Variants in UBAP2 observed in about 807,000 individuals in gnomAD.
UBAP2 encodes ubiquitin-associated protein 2.
Under a neutral mutation model 139.6 loss-of-function variants are expected in UBAP2, and 75 were observed. That is an observed-to-expected ratio of 0.54 (90% CI 0.45 to 0.65). The LOEUF is 0.65. UBAP2 is among the 30% of genes least tolerant of loss of function. The pLI is 0.00. For synonymous variants in UBAP2, 526 were observed against 526.2 expected (o/e 1.00, Z 0.01); for missense variants, 1,368 against 1,369.6 (o/e 1.00, Z 0.02).
At chr9:33,992,937 G>C (rs531688466) in intron 4 of UBAP2, among the ~76,000 whole-genome samples, 3 of 152,244 alleles carry the variant, frequency 2.0e-5, no homozygotes, top group Non-Finnish European at 1.5e-5. Flanking sequence ...AGTCTTCGAA[G>C]CCAGCTAGTT....
chr9:33,933,433 G>A, intron 18 of UBAP2, 57 bp downstream of exon 18: 3 of 1,586,850 alleles, frequency 1.9e-6, no homozygotes, highest in Middle Eastern at 3.4e-4. Context: ...CCTTCTACAG[G>A]AGCTCCAGGA....
At chr9:33,955,545 A>G (rs537430975) in intron 11 of UBAP2, among the ~76,000 whole-genome samples, 2 of 143,336 alleles carry the variant, frequency 1.4e-5, no homozygotes, top group Admixed American at 1.4e-4. Flanking sequence ...AACAAAAAAA[A>G]GGGCCAGGTG....
At chr9:34,037,429 C>G (rs146051282) in intron 1 of UBAP2, among the ~76,000 whole-genome samples, 20 of 152,284 alleles carry the variant, frequency 1.3e-4, no homozygotes, top group African/African-American at 4.3e-4. Flanking sequence ...GCCACTGCGC[C>G]CAGCCCATAT....
intron 1 of UBAP2, among the ~76,000 whole-genome samples, chr9:34,027,447 T>G (rs1049107097): frequency 6.6e-6 from 1 of 151,874 alleles, no homozygotes; most frequent in Non-Finnish European, 1.5e-5. Context: ...CCTGGCATAG[T>G]GGCTCATGCC....
In UBAP2 at chr9:33,923,919, G is replaced by A. The variant is rs574857807; in HGVS notation, c.2672C>T (p.Ser891Leu). 2.5e-6 allele frequency: 4 copies of A among 1,614,216 alleles called. No homozygotes were observed. In the South Asian group the frequency reaches 4.4e-5, roughly 18 times the overall value. Reference sequence around the variant, plus strand: ...CTGCTGGGCTGTGTGGTGGGTCTGTGATTGGCTCTGCTGTGGCTGAGCTGG... The same window carrying A: ...CTGCTGGGCTGTGTGGTGGGTCTGTAATTGGCTCTGCTGTGGCTGAGCTGG... The part of the protein sequence containing the change: ...TTPAQPQQSQ[S>L]QTHHTAQQPF... The change falls in exon 24 of 29, where the codon TCA becomes TTA. Residue 891 changes from serine to leucine, a missense_variant. Transcript: ENST00000379238.
chr9:33,928,270 A>G, intron 19 of UBAP2: 1 of 372,120 alleles, frequency 2.7e-6, no homozygotes, highest in Non-Finnish European at 4.8e-6. Flanking sequence ...AAAATCCTTC[A>G]AGTTGCTCAT....
chr9:33,980,216 A>ATTTTTTTTTTTTTT (rs1554686508), intron 6 of UBAP2, among the ~76,000 whole-genome samples: 2 of 77,308 alleles, frequency 2.6e-5, no homozygotes, highest in African/African-American at 4.3e-5. Context: ...CCTGAGTGTC[A>ATTTTTTTTTTTTTT]TTTCTTTTTT....
At chr9:34,027,146 T>G (rs1342856284) in intron 1 of UBAP2, among the ~76,000 whole-genome samples, 1 of 112,966 alleles carries the variant, frequency 8.9e-6, no homozygotes, top group Non-Finnish European at 1.8e-5. Context: ...CAGAGGAAAT[T>G]CATTTATTCA....
intron 2 of UBAP2, among the ~76,000 whole-genome samples, chr9:34,006,076 C>T (rs982505052): frequency 5.9e-5 from 9 of 151,416 alleles, no homozygotes; most frequent in African/African-American, 2.2e-4. Context: ...ACTAAAAATA[C>T]AAAAAAATTA....
chr9:33,976,093 G>C (rs1828322397), intron 6 of UBAP2, among the ~76,000 whole-genome samples: 1 of 152,050 alleles, frequency 6.6e-6, no homozygotes, highest in African/African-American at 2.4e-5. Context: ...GAAGGCAAAA[G>C]TAAGACTTCA....
intron 1 of UBAP2, among the ~76,000 whole-genome samples, chr9:34,024,063 A>T (rs1017010807): frequency 2.6e-5 from 4 of 151,634 alleles, no homozygotes; most frequent in Middle Eastern, 3.2e-3. Context: ...TAAAAATAAA[A>T]ATAGCAAATA....
chr9:34,044,608 T>C lies in UBAP2; in HGVS notation c.-42+4217A>G, dbSNP rs145468627. Among the ~76,000 whole-genome samples the C allele has an allele frequency of 1.4e-3, 214 of 152,104 alleles. 3 individuals carry two copies. Among genetic ancestry groups the C allele is most frequent in the Non-Finnish European group, 3.8e-4 (26 of 67,984 alleles). Reference sequence around the variant, plus strand: ...AGCCAGGTGTGGTGGCTCACGCAAGTAATCCCAGCACTTTGGGAGGCCAAG... The same window carrying C: ...AGCCAGGTGTGGTGGCTCACGCAAGCAATCCCAGCACTTTGGGAGGCCAAG... On this transcript the variant is annotated intron_variant, in intron 1 of 28. Coordinates refer to ENST00000379238, the MANE Select transcript of UBAP2 (RefSeq NM_001370062.2).
intron 1 of UBAP2, among the ~76,000 whole-genome samples, chr9:34,020,131 C>CA: frequency 1.5e-5 from 2 of 137,210 alleles, no homozygotes. Flanking sequence ...GCTTGGGTGA[C>CA]AGAGGGAGAC....
chr9:33,941,614 A>G, intron 16 of UBAP2, 35 bp downstream of exon 16: 1 of 1,537,260 alleles, frequency 6.5e-7, no homozygotes, highest in South Asian at 1.1e-5. Flanking sequence ...AATAAGACGG[A>G]CATCTTCTGA....
intron 13 of UBAP2, 41 bp downstream of exon 13, chr9:33,948,333 C>T (rs538506683): frequency 6.6e-7 from 1 of 1,504,108 alleles, no homozygotes; most frequent in South Asian, 1.4e-5. Context: ...AAGCTTGAAA[C>T]GTCCTCAGTA....
intron 6 of UBAP2, among the ~76,000 whole-genome samples, chr9:33,974,880 CA>C (rs1828179086): frequency 7.6e-6 from 1 of 131,790 alleles, no homozygotes; most frequent in Non-Finnish European, 1.5e-5. Context: ...GCGGAGGCTA[CA>C]GTTCCTAACT....
chr9:34,037,997 CAAAAAAAAA>C (rs72361484), intron 1 of UBAP2, among the ~76,000 whole-genome samples: 3 of 87,364 alleles, frequency 3.4e-5, no homozygotes, highest in African/African-American at 4.5e-5. Flanking sequence ...CCTGTCTCTA[CAAAAAAAAA>C]AAAAAAAAAA....
chr9:33,961,690 A>G (rs979613854), intron 9 of UBAP2, among the ~76,000 whole-genome samples: 3 of 152,214 alleles, frequency 2.0e-5, no homozygotes, highest in Non-Finnish European at 4.4e-5. Context: ...CAGTTCCTTC[A>G]TAAGAAGAAA....
At chr9:33,929,393 A>C (rs1823764052) in intron 19 of UBAP2, among the ~76,000 whole-genome samples, 1 of 152,176 alleles carries the variant, frequency 6.6e-6, no homozygotes. Flanking sequence ...GGAGTACATC[A>C]ACCTGCTGAA....
Sources: gnomAD v4.1 joint callset for allele counts (sites outside exome capture counted in the v4.1 genomes callset) on GRCh38, gnomAD v4.1.1 for gene constraint, MANE v1.5 for transcripts, NCBI Gene and HGNC (gene_info 2026-07-23, HGNC 2026-07-21) for gene names.